The following REDIC1 variants were observed in gnomAD, a reference collection of about 807,000 sequenced individuals.
The protein encoded by REDIC1 is HEI10 Interacting Protein 1.
chr12:39,684,938 G>A, the REDIC1 span: 3 of 1,596,068 alleles, frequency 1.9e-6, no homozygotes, highest in Non-Finnish European at 2.6e-6. Flanking sequence ...GTAAAGCACA[G>A]TCTCACATTA....
the REDIC1 span, among the ~76,000 whole-genome samples, chr12:39,784,790 C>T: frequency 4.6e-5 from 7 of 152,114 alleles, no homozygotes; most frequent in Non-Finnish European, 7.3e-5. Flanking sequence ...GAACAGGCAA[C>T]CTATAGAATG....
chr12:39,856,029 C>T, the REDIC1 span, among the ~76,000 whole-genome samples: 4 of 152,316 alleles, frequency 2.6e-5, no homozygotes, highest in South Asian at 8.3e-4. Flanking sequence ...TATTGCTAAT[C>T]ATGCTGTAGC....
At chr12:39,873,282 T>G in the REDIC1 span, among the ~76,000 whole-genome samples, 5 of 152,318 alleles carry the variant, frequency 3.3e-5, no homozygotes, top group South Asian at 8.3e-4. Flanking sequence ...AAATTCCCAG[T>G]GGAATTACTC....
At chr12:39,825,792 T>C in the REDIC1 span, among the ~76,000 whole-genome samples, 1 of 152,158 alleles carries the variant, frequency 6.6e-6, no homozygotes, top group Non-Finnish European at 1.5e-5. Context: ...CGAGTATTTC[T>C]TTGCTTTGCA....
At chr12:39,818,030 T>C in the REDIC1 span, among the ~76,000 whole-genome samples, 199 of 152,332 alleles carry the variant, frequency 1.3e-3, 2 homozygotes, top group African/African-American at 4.4e-3. Flanking sequence ...GGTAACACTT[T>C]CCAGCTCTTT....
At chr12:39,702,310 A>T in the REDIC1 span, among the ~76,000 whole-genome samples, 1 of 152,202 alleles carries the variant, frequency 6.6e-6, no homozygotes, top group Non-Finnish European at 1.5e-5. Context: ...AAACACCTCT[A>T]CCCAAGTAAA....
chr12:39,678,629 CAAAAA>C, the REDIC1 span, among the ~76,000 whole-genome samples: 3 of 96,226 alleles, frequency 3.1e-5, no homozygotes, highest in Non-Finnish European at 6.2e-5. Flanking sequence ...AAAGGCATAA[CAAAAA>C]AAAAAAAAAA....
the REDIC1 span, among the ~76,000 whole-genome samples, chr12:39,888,191 A>C: frequency 7.9e-5 from 12 of 152,176 alleles, no homozygotes; most frequent in African/African-American, 2.9e-4. Context: ...GAAAATGCTT[A>C]TGGATATAAC....
At chr12:39,775,813 C>A in the REDIC1 span, among the ~76,000 whole-genome samples, 2 of 152,084 alleles carry the variant, frequency 1.3e-5, no homozygotes, top group Non-Finnish European at 2.9e-5. Flanking sequence ...GTTGTGTATC[C>A]CTTATTCAAA....
At chr12:39,710,941 C>G in the REDIC1 span, among the ~76,000 whole-genome samples, 1 of 150,648 alleles carries the variant, frequency 6.6e-6, no homozygotes, top group African/African-American at 2.4e-5. Flanking sequence ...GTGGTATTTC[C>G]TCACATGAGA....
chr12:39,719,517 G>T, the REDIC1 span, among the ~76,000 whole-genome samples: 1 of 151,942 alleles, frequency 6.6e-6, no homozygotes, highest in South Asian at 2.1e-4. Context: ...GAGAGGCTGA[G>T]GTGGGAGAAT....
At chr12:39,864,222 C>T in the REDIC1 span, among the ~76,000 whole-genome samples, 1 of 152,186 alleles carries the variant, frequency 6.6e-6, no homozygotes, top group African/African-American at 2.4e-5. Context: ...CTGCAGCTAG[C>T]CATTAGAACA....
At chr12:39,626,306 C>A in the REDIC1 span, 1 of 1,613,726 alleles carries the variant, frequency 6.2e-7, no homozygotes, top group Non-Finnish European at 8.5e-7. Context: ...GCTCTAGACA[C>A]AGGGACCTCA....
the REDIC1 span, among the ~76,000 whole-genome samples, chr12:39,712,689 ACG>A: frequency 3.3e-3 from 11 of 3,312 alleles, no homozygotes; most frequent in Non-Finnish European, 7.3e-3. Context: ...ATGTATATAT[ACG>A]TATACGTGTA....
the REDIC1 span, among the ~76,000 whole-genome samples, chr12:39,641,295 A>G: frequency 2.0e-5 from 3 of 151,854 alleles, no homozygotes. Context: ...GATGTACAGT[A>G]ATGGTGTCAT....
chr12:39,773,079 TGG>T, the REDIC1 span, among the ~76,000 whole-genome samples: 2 of 152,342 alleles, frequency 1.3e-5, no homozygotes, highest in East Asian at 3.9e-4. Context: ...TGGCAACTGC[TGG>T]TAGAAGAACA....
At chr12:39,883,130 TATC>T in the REDIC1 span, among the ~76,000 whole-genome samples, 1 of 152,188 alleles carries the variant, frequency 6.6e-6, no homozygotes, top group Non-Finnish European at 1.5e-5. Context: ...GTTAAGTATA[TATC>T]ATTAAATTTT....
the REDIC1 span, among the ~76,000 whole-genome samples, chr12:39,783,077 G>A: frequency 5.3e-5 from 8 of 152,168 alleles, no homozygotes; most frequent in African/African-American, 1.9e-4. Context: ...GTGTCCAACT[G>A]TTCTCATCGT....
chr12:39,655,488 A>C, the REDIC1 span, among the ~76,000 whole-genome samples: 2 of 152,156 alleles, frequency 1.3e-5, no homozygotes, highest in Admixed American at 1.3e-4. Flanking sequence ...GAGTGTACAC[A>C]CAGCCTTACA....
Sources: allele counts gnomAD v4.1 joint callset (sites outside exome capture counted in the v4.1 genomes callset), GRCh38; gene constraint gnomAD v4.1.1; transcripts MANE v1.5; gene names NCBI Gene and HGNC (gene_info 2026-07-23, HGNC 2026-07-21).